The following ABCG8 variants were observed in gnomAD, a reference collection of about 807,000 sequenced individuals.
The protein encoded by ABCG8 is ATP binding cassette subfamily G member 8.
In ABCG8, 81 loss-of-function variants were observed where a neutral mutation model predicts 71.3. The observed-to-expected ratio is 1.14, with a 90% CI of 0.95 to 1.37. The LOEUF is 1.37. Among genes scored for constraint, ABCG8 ranks in the 40% most tolerant of loss-of-function variants. The pLI is 0.00. For missense variants in ABCG8, 1,119 were observed against 866.2 expected (o/e 1.29, Z -3.66); for synonymous variants, 451 against 354.7 (o/e 1.27, Z -3.05).
chr2:43,872,929 C>A (rs1204780842), intron 8 of ABCG8, among the ~76,000 whole-genome samples: 2 of 152,094 alleles, frequency 1.3e-5, no homozygotes, highest in Admixed American at 6.5e-5. Context: ...CCAGACGGCA[C>A]TGTGTGGCGT....
intron 1 of ABCG8, 96 bp downstream of exon 1, chr2:43,839,212 AC>A: frequency 3.0e-6 from 4 of 1,312,184 alleles, no homozygotes; most frequent in South Asian, 1.3e-5. Context: ...TCCTAGCACC[AC>A]CCGGACATCA....
intron 6 of ABCG8, among the ~76,000 whole-genome samples, chr2:43,863,267 C>G (rs1192513258): frequency 6.6e-6 from 1 of 151,208 alleles, no homozygotes; most frequent in Non-Finnish European, 1.5e-5. Context: ...ATAGAATTCT[C>G]ACTATATACC....
intron 3 of ABCG8, chr2:43,848,418 T>C (rs942524531): frequency 5.9e-5 from 9 of 152,210 alleles, no homozygotes; most frequent in Admixed American, 3.3e-4. Flanking sequence ...GGCTGATGCT[T>C]GGCTGCCATG....
intron 6 of ABCG8, among the ~76,000 whole-genome samples, chr2:43,856,858 C>T (rs1050329561): frequency 5.3e-5 from 8 of 151,446 alleles, no homozygotes; most frequent in Non-Finnish European, 1.0e-4. Flanking sequence ...AATTCTCACT[C>T]TCTGGATAAA....
In ABCG8 at chr2:43,870,573, C is replaced by T. The variant is rs146950802; in HGVS notation, c.965-1403C>T. Among the ~76,000 whole-genome samples the T allele has an allele frequency of 8.4e-3, 1,274 of 151,676 alleles. 77 individuals are homozygous for T. The highest frequency in any genetic ancestry group is 0.076 in the Admixed American group (1,160 of 15,238). ...TCTGTCTGGGTAGAATTCGCTCCGT[C>T]GTAATAGAACTCTCACTATCTGGAT... On this transcript the variant is annotated intron_variant, in intron 6 of 12. Coordinates refer to ENST00000272286, the MANE Select transcript of ABCG8 (RefSeq NM_022437.3).
rs564099147 is a variant in ABCG8, at chr2:43,842,305, G to A, written c.64-2202G>A. On this transcript the variant is annotated intron_variant, in intron 1 of 12. Transcript: ENST00000272286. ...TGGGATTACAGGCATGAGCCACTGC[G>A]CACAGCTGGCAATGGCTAAGATTTT... 1.1e-4 allele frequency among the ~76,000 whole-genome samples: 16 copies of A among 152,276 alleles called. No homozygotes were observed. The South Asian group carries it at 1.5e-3, about 14-fold the overall frequency.
chr2:43,876,931 A>C (rs1669978811), intron 11 of ABCG8, among the ~76,000 whole-genome samples: 1 of 150,378 alleles, frequency 6.6e-6, no homozygotes, highest in Non-Finnish European at 1.5e-5. Flanking sequence ...AGATCATGTG[A>C]ATATGCAGGA....
chr2:43,874,530 G>A, intron 10 of ABCG8, 47 bp downstream of exon 10: 2 of 1,492,402 alleles, frequency 1.3e-6, no homozygotes, highest in East Asian at 2.3e-5. Context: ...CACCAGGGTG[G>A]GGGTAAGTGT....
In ABCG8 at chr2:43,881,351, C is replaced by T. The variant is rs1231919580; in HGVS notation, c.*3438C>T. ...CCAATGTGGACCCATTGCCCAGAGA[C>T]TCTGATCCCATGGGTCTGTTTTGTT... is the stretch of plus-strand genomic sequence containing the variant. On this transcript the variant is annotated 3_prime_UTR_variant, in exon 13 of 13. Coordinates refer to ENST00000272286, the MANE Select transcript of ABCG8 (RefSeq NM_022437.3). The T allele has an allele frequency of 6.6e-6, 1 of 152,210 alleles. No individual in the cohort carries two copies. Among genetic ancestry groups the T allele is most frequent in the Non-Finnish European group, 1.5e-5 (1 of 68,046 alleles). The allele number at this position is 152,210 out of a possible 1,614,324, so 9.4% of individuals were successfully genotyped here. A position where few individuals can be genotyped will look rare whatever the true frequency, so the allele number is the denominator to read the frequency against.
chr2:43,871,996 A>G lies in ABCG8; in HGVS notation c.985A>G (p.Arg329Gly). 1 of 1,614,076 alleles carries G rather than the reference A, an allele frequency of 6.2e-7. No homozygotes were observed. The highest frequency in any genetic ancestry group is 8.5e-7 in the Non-Finnish European group (1 of 1,180,036). Residue 329 changes from arginine to glycine, a missense_variant, in exon 7 of 13, where the codon AGG becomes GGG. Physicochemically the swap from Arg to Gly is moderately radical, Grantham distance 125 (BLOSUM62 -2). Coordinates refer to ENST00000272286, the MANE Select transcript of ABCG8 (RefSeq NM_022437.3). Reference protein sequence around the residue: ...DFYVDLTSIDRRSREQELATR... With the variant: ...DFYVDLTSIDGRSREQELATR... ...TGCAGTGGACCTGACCAGCATTGAC[A>G]GGCGCAGCAGAGAGCAGGAATTGGC...
intron 1 of ABCG8, among the ~76,000 whole-genome samples, chr2:43,840,065 A>G (rs1668521562): frequency 6.6e-6 from 1 of 152,236 alleles, no homozygotes; most frequent in Non-Finnish European, 1.5e-5. Flanking sequence ...AAACTGGAAG[A>G]CAAGCGAGAA....
Position 43,872,304 on chromosome 2 carries a change from C to A in ABCG8, c.1209C>A (p.Ile403=), listed in dbSNP as rs1386052283. ...PGAVQQFTTL[I]RRQISNDFRD... ...CGGTGCAGCAGTTTACGACGCTGAT[C>A]CGGTAATTATCTGTCATTTTATTAC... Residue 403 remains isoleucine, a splice_region_variant and synonymous_variant, in exon 8 of 13, where the codon ATC becomes ATA. Transcript: ENST00000272286. 6.2e-7 allele frequency: 1 copy of A among 1,613,412 alleles called. No homozygotes were observed. The highest frequency in any genetic ancestry group is 1.3e-5 in the African/African-American group (1 of 74,888).
rs1669928776 is a variant in ABCG8, at chr2:43,875,394, C to A, written c.1737C>A (p.Asn579Lys). The change falls in exon 11 of 13, where the codon AAC becomes AAA. Residue 579 changes from asparagine to lysine, a missense_variant. Asn to Lys is a moderately conservative substitution (Grantham distance 94). Transcript: ENST00000272286. Reference protein sequence around the residue: ...SFYLAGGFMINLSSLWTVPAW... With the variant: ...SFYLAGGFMIKLSSLWTVPAW... ...ACCTCGCCGGGGGCTTCATGATAAA[C>A]TTGAGCAGCCTGTGGACAGGTAAGG... The A allele has an allele frequency of 1.2e-6, 2 of 1,614,092 alleles. No homozygotes were observed. The highest frequency in any genetic ancestry group is 2.7e-5 in the African/African-American group (2 of 75,076).
intron 3 of ABCG8, chr2:43,847,750 GT>G: frequency 6.6e-6 from 1 of 151,262 alleles, no homozygotes; most frequent in Non-Finnish European, 1.5e-5. Context: ...CTCCTGTTTT[GT>G]TTTTTTTGTT....
chr2:43,851,053 T>C (rs72796745), intron 3 of ABCG8, among the ~76,000 whole-genome samples: 8,597 of 152,352 alleles, frequency 0.056, 311 homozygotes, highest in Middle Eastern at 0.11. Context: ...TTTTTCTCCA[T>C]TATTTCTCAA....
intron 3 of ABCG8, among the ~76,000 whole-genome samples, chr2:43,849,320 T>C (rs1668841351): frequency 6.6e-6 from 1 of 152,074 alleles, no homozygotes; most frequent in African/African-American, 2.4e-5. Flanking sequence ...CTCAGGAAAC[T>C]TACAATCATG....
Position 43,880,888 on chromosome 2 carries a change from G to T in ABCG8, c.*2975G>T, listed in dbSNP as rs1670112861. The T allele has an allele frequency of 6.6e-6, 1 of 152,348 alleles. No individual in the cohort carries two copies. 9.4% of individuals were successfully genotyped at this position (152,348 alleles called of 1,614,324 possible). A position where few individuals can be genotyped will look rare whatever the true frequency, so the allele number is the denominator to read the frequency against. ...ACACTGCCACGCCTTCTCCTGTATG[G>T]ACGTCCTGCCTACCCTGCTCAGGCT... is the stretch of plus-strand genomic sequence containing the variant. On this transcript the variant is annotated 3_prime_UTR_variant, in exon 13 of 13. Transcript: ENST00000272286.
At chr2:43,849,112 G>A (rs2104915970) in intron 3 of ABCG8, among the ~76,000 whole-genome samples, 1 of 151,910 alleles carries the variant, frequency 6.6e-6, no homozygotes, top group African/African-American at 2.4e-5. Flanking sequence ...TGCCAAAAGT[G>A]GTTTCCAATT....
chr2:43,874,015 C>T (rs1443966581), intron 9 of ABCG8, 29 bp downstream of exon 9: 4 of 1,611,220 alleles, frequency 2.5e-6, no homozygotes, highest in Admixed American at 1.7e-5. Flanking sequence ...CATGGGCAGG[C>T]AGGACCTCAG....
Sources: gnomAD v4.1 joint callset for allele counts (sites outside exome capture counted in the v4.1 genomes callset) on GRCh38, gnomAD v4.1.1 for gene constraint, MANE v1.5 for transcripts, NCBI Gene and HGNC (gene_info 2026-07-23, HGNC 2026-07-21) for gene names.